The following SPOPL variants were observed in gnomAD, a reference collection of about 807,000 sequenced individuals.
SPOPL encodes speckle-type POZ protein-like.
A neutral mutation model predicts 53.8 loss-of-function variants in SPOPL; 23 were observed. The observed-to-expected ratio is 0.43, with a 90% CI of 0.31 to 0.61. SPOPL has a LOEUF of 0.61. Among genes scored for constraint, SPOPL ranks in the 20% least tolerant of loss-of-function variants. The pLI, the probability that SPOPL is intolerant of heterozygous loss-of-function variation, is 0.12. For missense variants in SPOPL, 442 were observed against 466.9 expected (o/e 0.95, Z 0.49); for synonymous variants, 164 against 149.7 (o/e 1.10, Z -0.70).
chr2:138,543,863 G>A (rs1399831744), intron 1 of SPOPL, among the ~76,000 whole-genome samples: 6 of 152,084 alleles, frequency 3.9e-5, no homozygotes, highest in African/African-American at 1.4e-4. Context: ...CATCTTTGTG[G>A]TTTTATCTAC....
chr2:138,567,680 A>T (rs1685693164), intron 10 of SPOPL, among the ~76,000 whole-genome samples: 1 of 152,184 alleles, frequency 6.6e-6, no homozygotes, highest in Non-Finnish European at 1.5e-5. Flanking sequence ...GGTTGAATAC[A>T]GGTAGACCAG....
At chr2:138,556,565 A>AC (rs1379601037) in intron 5 of SPOPL, among the ~76,000 whole-genome samples, 2 of 152,190 alleles carry the variant, frequency 1.3e-5, no homozygotes, top group African/African-American at 4.8e-5. Context: ...GAATATTAAC[A>AC]CCAACATTTT....
At chr2:138,541,730 A>G (rs773320271) in intron 1 of SPOPL, among the ~76,000 whole-genome samples, 4 of 151,814 alleles carry the variant, frequency 2.6e-5, no homozygotes, top group South Asian at 2.1e-4. Flanking sequence ...TTGTGTCTCT[A>G]TTTCCTTCAG....
chr2:138,567,301 G>C (rs544643840), intron 10 of SPOPL, among the ~76,000 whole-genome samples: 3 of 151,928 alleles, frequency 2.0e-5, no homozygotes, highest in Non-Finnish European at 4.4e-5. Context: ...AGAGGGAAGA[G>C]AGGAAGAAAA....
At chr2:138,547,300 T>A (rs1298959422) in intron 1 of SPOPL, among the ~76,000 whole-genome samples, 1 of 152,170 alleles carries the variant, frequency 6.6e-6, no homozygotes, top group Non-Finnish European at 1.5e-5. Flanking sequence ...ACATTTGAAG[T>A]GTATATGAAG....
intron 1 of SPOPL, among the ~76,000 whole-genome samples, chr2:138,545,792 A>G (rs541142593): frequency 5.9e-4 from 90 of 152,198 alleles, no homozygotes; most frequent in African/African-American, 2.1e-3. Flanking sequence ...GATTCTGACC[A>G]TTTCACCAGC....
In SPOPL at chr2:138,564,745, C is replaced by A; in HGVS notation, c.875C>A (p.Ala292Asp). The change falls in exon 9 of 11, where the codon GCT (alanine) becomes GAT (aspartate). Residue 292 changes from alanine (A) to aspartate (D), a missense_variant. Physicochemically the swap from Ala to Asp is moderately radical, Grantham distance 126. Coordinates refer to ENST00000280098, the MANE Select transcript of SPOPL (RefSeq NM_001001664.3). ...LERLKVMCEEALCSNLSVENV... is the reference protein window; with the variant it reads ...LERLKVMCEEDLCSNLSVENV... ...CGGCTGAAGGTCATGTGCGAAGAAG[C>A]TTTGTGTAGTAACCTCTCAGTAGAG... The A allele has an allele frequency of 6.2e-7, 1 of 1,614,132 alleles. No homozygotes were observed.
chr2:138,572,773 T>C lies in SPOPL; in HGVS notation c.*3693T>C, dbSNP rs1486363510. On this transcript the variant is annotated 3_prime_UTR_variant, in exon 11 of 11. Transcript: ENST00000280098. ...CTACTTTATTTAAGTGTTCATGGAA[T>C]GATGTAAATTTTAGGTCCAGTTGAA... The C allele has an allele frequency of 6.6e-6, 1 of 152,598 alleles. No homozygotes were observed. Among genetic ancestry groups the C allele is most frequent in the Non-Finnish European group, 1.5e-5 (1 of 68,004 alleles). 9.5% of individuals were successfully genotyped at this position (152,598 alleles called of 1,614,324 possible).
intron 4 of SPOPL, among the ~76,000 whole-genome samples, 194 bp from the exon 5 acceptor site, chr2:138,552,360 A>G (rs748443293): frequency 9.9e-5 from 15 of 152,078 alleles, no homozygotes; most frequent in Non-Finnish European, 1.9e-4. Context: ...AAAATTGAGT[A>G]GGCATATGGA....
chr2:138,546,371 A>G (rs1207031802), intron 1 of SPOPL, among the ~76,000 whole-genome samples: 4 of 152,166 alleles, frequency 2.6e-5, no homozygotes, highest in African/African-American at 9.7e-5. Flanking sequence ...CCCTCTCTGC[A>G]ACCTTTTTCT....
At chr2:138,538,910 C>T (rs140783167) in intron 1 of SPOPL, among the ~76,000 whole-genome samples, 1,651 of 152,256 alleles carry the variant, frequency 0.011, 32 homozygotes, top group African/African-American at 0.037. Flanking sequence ...CTCCCCACCC[C>T]ACAACAGACC....
At chr2:138,530,468 T>G (rs1218713285) in intron 1 of SPOPL, among the ~76,000 whole-genome samples, 1 of 152,196 alleles carries the variant, frequency 6.6e-6, no homozygotes, top group Non-Finnish European at 1.5e-5. Context: ...TTTAGAATAA[T>G]GAATTTTCTA....
In SPOPL at chr2:138,547,304, T is replaced by C. The variant is rs1297092067; in HGVS notation, c.-60-2853T>C. On this transcript the variant is annotated intron_variant, in intron 1 of 10. Transcript: ENST00000280098. ...ATATATGAATTACATTTGAAGTGTATATGAAGTATATTTTTATATATGAGG... is the reference window on the plus strand; with the variant it reads ...ATATATGAATTACATTTGAAGTGTACATGAAGTATATTTTTATATATGAGG... Among the ~76,000 whole-genome samples the C allele has an allele frequency of 3.3e-5, 5 of 152,214 alleles. No homozygotes were observed. The East Asian group carries it at 9.6e-4, about 29-fold the overall frequency.
intron 1 of SPOPL, among the ~76,000 whole-genome samples, chr2:138,505,570 A>G (rs1040353846): frequency 1.4e-5 from 2 of 147,594 alleles, no homozygotes; most frequent in East Asian, 2.0e-4. Flanking sequence ...CAGCCCGGCC[A>G]ACATGGTGAA....
chr2:138,543,924 C>T (rs989851061), intron 1 of SPOPL, among the ~76,000 whole-genome samples: 1 of 152,146 alleles, frequency 6.6e-6, no homozygotes, highest in Non-Finnish European at 1.5e-5. Flanking sequence ...GCGTGGATGT[C>T]CTTCCTGTGT....
intron 10 of SPOPL, 176 bp downstream of exon 10, chr2:138,565,169 T>C: frequency 1.3e-6 from 1 of 766,726 alleles, no homozygotes; most frequent in Non-Finnish European, 2.1e-6. Flanking sequence ...TGCTCCCTTG[T>C]AGGTCAGCTT....
At chr2:138,509,666 C>T (rs1415237467) in intron 1 of SPOPL, among the ~76,000 whole-genome samples, 7 of 152,130 alleles carry the variant, frequency 4.6e-5, no homozygotes, top group Non-Finnish European at 8.8e-5. Flanking sequence ...CAAAGATTTT[C>T]CATACATCCC....
chr2:138,549,310 T>C (rs12470701), intron 1 of SPOPL, among the ~76,000 whole-genome samples: 9,370 of 152,070 alleles, frequency 0.062, 776 homozygotes, highest in East Asian at 0.34. Flanking sequence ...ACAATTTTTG[T>C]CTTAAAGTCT....
intron 8 of SPOPL, among the ~76,000 whole-genome samples, chr2:138,563,648 T>G (rs1685599176): frequency 6.6e-6 from 1 of 152,198 alleles, no homozygotes; most frequent in African/African-American, 2.4e-5. Flanking sequence ...ACGGAAAAAT[T>G]AGGGCTCTCG....
Sources: allele counts gnomAD v4.1 joint callset (sites outside exome capture counted in the v4.1 genomes callset), GRCh38; gene constraint gnomAD v4.1.1; transcripts MANE v1.5; gene names NCBI Gene and HGNC (gene_info 2026-07-23, HGNC 2026-07-21).